ITPR1: variants seen among roughly 807,000 people sequenced by gnomAD.
ITPR1 encodes inositol 1,4,5-trisphosphate-gated calcium channel ITPR1.
A neutral mutation model predicts 318.4 loss-of-function variants in ITPR1; 96 were observed. The observed-to-expected ratio is 0.30, with a 90% CI of 0.26 to 0.36. The LOEUF is 0.36. Among genes scored for constraint, ITPR1 ranks in the 10% least tolerant of loss-of-function variants. ITPR1 has a pLI of 1.00. For missense variants in ITPR1, 2,440 were observed against 3,460.2 expected, an observed-to-expected ratio of 0.71 and a Z score of 7.40; for synonymous variants, 1,312 against 1,289.9, an observed-to-expected ratio of 1.02 and a Z score of -0.37.
rs1413609948 is a variant in ITPR1, at chr3:4,691,176, C to A, written c.3861C>A (p.Phe1287Leu). The A allele has an allele frequency of 2.5e-6, 4 of 1,612,778 alleles. No individual in the cohort carries two copies. The Admixed American group carries it at 6.7e-5, about 27-fold the overall frequency. Residue 1287 changes from phenylalanine to leucine, a missense_variant, in exon 32 of 62, where the codon TTC (phenylalanine) becomes TTA (leucine). Phe to Leu is a conservative substitution (Grantham distance 22). Coordinates refer to ENST00000649015, the MANE Select transcript of ITPR1 (RefSeq NM_001378452.1). ...ILEAVTMQHIFMNNFQLCSEI... is the reference protein window; with the variant it reads ...ILEAVTMQHILMNNFQLCSEI... ...AGGCAGTAACCATGCAGCACATCTT[C>A]ATGAACAATTTCCAGCTTTGCAGTG...
intron 57 of ITPR1, among the ~76,000 whole-genome samples, chr3:4,813,904 A>C (rs2049103815): frequency 1.3e-5 from 2 of 152,352 alleles, no homozygotes; most frequent in African/African-American, 4.8e-5. Context: ...TGGAGAAAGG[A>C]ATGAGGCACA....
chr3:4,569,542 T>C (rs926432095), intron 4 of ITPR1, among the ~76,000 whole-genome samples: 8 of 152,208 alleles, frequency 5.3e-5, no homozygotes, highest in Non-Finnish European at 1.0e-4. Flanking sequence ...ATCCATAAAC[T>C]AAAGCCTCTT....
intron 49 of ITPR1, among the ~76,000 whole-genome samples, chr3:4,781,602 T>C (rs747746409): frequency 3.5e-4 from 54 of 152,140 alleles, no homozygotes; most frequent in Non-Finnish European, 5.1e-4. Flanking sequence ...TGAAGGGTAA[T>C]AGGGCCAAGT....
At chr3:4,498,204 A>T (rs191318809) in intron 2 of ITPR1, among the ~76,000 whole-genome samples, 10 of 152,324 alleles carry the variant, frequency 6.6e-5, no homozygotes, top group African/African-American at 2.4e-4. Context: ...TGTTATGTAT[A>T]TTTTACAGTA....
intron 60 of ITPR1, chr3:4,831,209 T>C (rs2050488459): frequency 2.8e-6 from 1 of 361,292 alleles, no homozygotes; most frequent in Non-Finnish European, 5.5e-6. Flanking sequence ...TTTCAAGAGG[T>C]TGGTCAGTAC....
chr3:4,506,748 T>C (rs139497990), intron 2 of ITPR1, among the ~76,000 whole-genome samples: 89 of 152,346 alleles, frequency 5.8e-4, no homozygotes, highest in African/African-American at 2.0e-3. Context: ...GCCCTGGCTG[T>C]TCAGTTTTAT....
intron 60 of ITPR1, among the ~76,000 whole-genome samples, chr3:4,835,751 T>A (rs995298461): frequency 1.3e-5 from 2 of 152,168 alleles, no homozygotes; most frequent in Admixed American, 6.5e-5. Context: ...AACTTATGTA[T>A]GCGGCATGCT....
chr3:4,496,399 C>A lies in ITPR1; in HGVS notation c.-17+1893C>A, dbSNP rs141482388. On this transcript the variant is annotated intron_variant, in intron 2 of 61. Transcript: ENST00000649015. Reference sequence around the variant, plus strand: ...ATAATTCAAATCAGAACAGAAAATCCTTTCAAGATATCATTCTTATCAGGC... The same window carrying A: ...ATAATTCAAATCAGAACAGAAAATCATTTCAAGATATCATTCTTATCAGGC... Among the ~76,000 whole-genome samples the A allele has an allele frequency of 4.1e-3, 628 of 152,130 alleles. 6 individuals carry two copies. The highest frequency in any genetic ancestry group is 0.013 in the African/African-American group (545 of 41,494).
In ITPR1 at chr3:4,790,572, C is replaced by T. The variant is rs143173854; in HGVS notation, c.6808+2433C>T. ...CTTGGGGAGGGAGAAATGTACTCAT[C>T]GGAAATACAATTAAAATGAAATGCA... On this transcript the variant is annotated intron_variant, in intron 52 of 61. Transcript: ENST00000649015. Among the ~76,000 whole-genome samples, 9 of 152,214 alleles carry T rather than the reference C, an allele frequency of 5.9e-5. 1 individual carries two copies. The East Asian group carries it at 1.2e-3, about 20-fold the overall frequency.
intron 44 of ITPR1, among the ~76,000 whole-genome samples, chr3:4,758,263 T>C (rs1469795995): frequency 6.6e-6 from 1 of 152,130 alleles, no homozygotes; most frequent in Non-Finnish European, 1.5e-5. Flanking sequence ...GGACCAACTT[T>C]TAGAAGCTGA....
chr3:4,535,442 A>ATTTTTTTTTTTTTTTTTTTTTTTACTT (rs34152018), intron 4 of ITPR1, among the ~76,000 whole-genome samples: 1 of 100,982 alleles, frequency 9.9e-6, no homozygotes, highest in Non-Finnish European at 1.8e-5. Flanking sequence ...TTTTTTTTTA[A>ATTTTTTTTTTTTTTTTTTTTTTTACTT]TTTTTTTTTT....
chr3:4,638,188 C>G (rs889081042), intron 5 of ITPR1, among the ~76,000 whole-genome samples: 1 of 152,094 alleles, frequency 6.6e-6, no homozygotes, highest in African/African-American at 2.4e-5. Context: ...GCATCTGGCC[C>G]CAAGGAAAGG....
In ITPR1 at chr3:4,693,474, C is replaced by G; in HGVS notation, c.4030-16C>G. The G allele has an allele frequency of 6.2e-7, 1 of 1,611,026 alleles. No individual in the cohort carries two copies. The highest frequency in any genetic ancestry group is 8.5e-7 in the Non-Finnish European group (1 of 1,177,448). On this transcript the variant is annotated splice_polypyrimidine_tract_variant and intron_variant, in intron 32 of 61. Coordinates refer to ENST00000649015, the MANE Select transcript of ITPR1 (RefSeq NM_001378452.1). ...CTGCAAGCTTGTAATCTAAACCCACCCTGTTCTTTATGTAGCTGGTCAATT... is the reference window on the plus strand; with the variant it reads ...CTGCAAGCTTGTAATCTAAACCCACGCTGTTCTTTATGTAGCTGGTCAATT...
intron 29 of ITPR1, 85 bp from the exon 30 acceptor site, chr3:4,684,984 G>C (rs1202915665): frequency 1.5e-6 from 2 of 1,364,328 alleles, no homozygotes; most frequent in East Asian, 4.9e-5. Flanking sequence ...AATCCCCTTT[G>C]CCTCCCTGCC....
At chr3:4,748,109 T>A (rs75039476) in intron 44 of ITPR1, among the ~76,000 whole-genome samples, 3 of 152,190 alleles carry the variant, frequency 2.0e-5, no homozygotes, top group African/African-American at 7.2e-5. Flanking sequence ...ATAGTCCCAA[T>A]TGCAGATGAG....
At chr3:4,704,885 A>G (rs1221288577) in intron 36 of ITPR1, among the ~76,000 whole-genome samples, 3 of 152,172 alleles carry the variant, frequency 2.0e-5, no homozygotes. Flanking sequence ...TCCAAGGCAT[A>G]GAGTTTCTAG....
At position 4,811,277 on chromosome 3, in the gene ITPR1, G is replaced by C. The variant is rs2048927982; in HGVS notation, c.7285G>C (p.Val2429Leu). 6.4e-7 allele frequency: 1 copy of C among 1,569,332 alleles called. No individual in the cohort carries two copies. The highest frequency in any genetic ancestry group is 8.6e-7 in the Non-Finnish European group (1 of 1,158,806). Residue 2429 changes from valine (V) to leucine (L), a missense_variant, in exon 56 of 62, where the codon GTG becomes CTG. Transcript: ENST00000649015. ...FFYSLLLFDLVYREETLLNVI... is the reference protein window; with the variant it reads ...FFYSLLLFDLLYREETLLNVI... ...TTTGTTTTCAAAGCTTTTTGATTTA[G>C]TGTACAGAGAAGAGACTTTGCTTAA... is the stretch of plus-strand genomic sequence containing the variant.
intron 23 of ITPR1, among the ~76,000 whole-genome samples, chr3:4,676,297 A>G (rs2094184039): frequency 6.6e-6 from 1 of 152,042 alleles, no homozygotes; most frequent in Admixed American, 6.6e-5. Context: ...GGGAACCATC[A>G]TTGTGTCACT....
chr3:4,531,988 G>A (rs304059), intron 4 of ITPR1, among the ~76,000 whole-genome samples: 152,343 of 152,358 alleles, frequency 1, 76,164 homozygotes, highest in Non-Finnish European at 1. Flanking sequence ...AAATTATTAT[G>A]TATACCTCAC....
Sources: gnomAD v4.1 joint callset for allele counts (sites outside exome capture counted in the v4.1 genomes callset) on GRCh38, gnomAD v4.1.1 for gene constraint, MANE v1.5 for transcripts, NCBI Gene and HGNC (gene_info 2026-07-23, HGNC 2026-07-21) for gene names.